AGAP1: variants seen among roughly 807,000 people sequenced by gnomAD.
AGAP1 encodes the protein ArfGAP with GTPase domain, ankyrin repeat and PH domain 1.
Under a neutral mutation model 105.3 loss-of-function variants are expected in AGAP1, and 29 were observed. The ratio of observed to expected loss-of-function variants is 0.28; its 90% CI spans 0.21 to 0.38. The LOEUF (loss-of-function observed/expected upper bound fraction) is 0.38. AGAP1 is among the 10% of genes least tolerant of loss of function. The pLI is 1.00. For synonymous variants in AGAP1, 509 were observed against 485.9 expected (o/e 1.05, Z -0.63); for missense variants, 998 against 1,165.1 (o/e 0.86, Z 2.09).
intron 9 of AGAP1, among the ~76,000 whole-genome samples, chr2:235,841,830 C>G (rs1330981086): frequency 6.6e-6 from 1 of 152,116 alleles, no homozygotes; most frequent in South Asian, 2.1e-4. Context: ...AGTTATATTC[C>G]TGCCTATAGG....
Position 235,557,043 on chromosome 2 carries a change from C to A in AGAP1, c.163+62194C>A. 6.6e-6 allele frequency among the ~76,000 whole-genome samples: 1 copy of A among 152,194 alleles called. No individual in the cohort carries two copies. Among genetic ancestry groups the A allele is most frequent in the Non-Finnish European group, 1.5e-5 (1 of 68,044 alleles). The stretch of plus-strand genomic sequence containing the variant: ...GGGCGGATCCCGAAGGCAGACTTGG[C>A]CTTCCCAGCTGGCGCGGGACTGGGG... On this transcript the variant is annotated intron_variant, in intron 1 of 17. Transcript: ENST00000304032. This position sits in a 1 kb window ranked among gnomAD's most constrained non-coding sequence, Gnocchi z 4.7.
At chr2:235,519,547 C>T (rs977321666) in intron 1 of AGAP1, among the ~76,000 whole-genome samples, 1 of 152,022 alleles carries the variant, frequency 6.6e-6, no homozygotes, top group Non-Finnish European at 1.5e-5. Context: ...ACTGATATAA[C>T]ACATATTTTC....
intron 1 of AGAP1, among the ~76,000 whole-genome samples, chr2:235,682,573 G>C (rs1949137532): frequency 6.6e-6 from 1 of 151,736 alleles, no homozygotes; most frequent in Non-Finnish European, 1.5e-5. Flanking sequence ...TTGAACTGCT[G>C]ACCTCAAATG....
In AGAP1 at chr2:235,793,889, C is replaced by T. The variant is rs1313551551; in HGVS notation, c.674-3870C>T. ...TGCTATTTCCCTCTATAGAATAGAA[C>T]ATTTACAGTTTGTGGATAAAGTAAA... is the stretch of plus-strand genomic sequence containing the variant. On this transcript the variant is annotated intron_variant, in intron 6 of 17. Coordinates refer to ENST00000304032, the MANE Select transcript of AGAP1 (RefSeq NM_001037131.3). The surrounding 1 kb of genome is among the most constrained non-coding windows in gnomAD (Gnocchi z 5.3). Among the ~76,000 whole-genome samples, 1 of 152,110 alleles carries T rather than the reference C, an allele frequency of 6.6e-6. No homozygotes were observed. Among genetic ancestry groups the T allele is most frequent in the Non-Finnish European group, 1.5e-5 (1 of 68,022 alleles).
At chr2:236,067,895 A>G (rs1184568850) in intron 16 of AGAP1, among the ~76,000 whole-genome samples, 1 of 152,226 alleles carries the variant, frequency 6.6e-6, no homozygotes, top group Non-Finnish European at 1.5e-5. Context: ...TGTCAGGGTC[A>G]GCCATCCGTC....
At chr2:236,108,615 AAG>A (rs1168783024) in intron 16 of AGAP1, among the ~76,000 whole-genome samples, 1 of 151,990 alleles carries the variant, frequency 6.6e-6, no homozygotes, top group Admixed American at 6.5e-5. Context: ...TTCGCACTGG[AAG>A]AGAGAGGGGG....
At chr2:235,594,837 G>A (rs1945466119) in intron 1 of AGAP1, among the ~76,000 whole-genome samples, 1 of 149,260 alleles carries the variant, frequency 6.7e-6, no homozygotes. Context: ...GCCTCCCAGA[G>A]TGCTGGGATT....
At chr2:235,764,030 T>G (rs10195123) in intron 6 of AGAP1, among the ~76,000 whole-genome samples, 40,156 of 138,806 alleles carry the variant, frequency 0.29, 5,828 homozygotes, top group Admixed American at 0.41. Flanking sequence ...GTGCGTGGCT[T>G]TGGCCCGTGC....
At position 236,120,346 on chromosome 2, in the gene AGAP1, C is replaced by T. The variant is rs988946656; in HGVS notation, c.2269C>T (p.Arg757Trp). The T allele has an allele frequency of 3.7e-6, 6 of 1,612,048 alleles. No homozygotes were observed. Among genetic ancestry groups the T allele is most frequent in the East Asian group, 2.2e-5 (1 of 44,854 alleles). ...TAILLLAHGS[R>W]DEVNETCGEG... ...CATCCTGCTGCTGGCACACGGCTCC[C>T]GGGACGAGGTGAACGAGACCTGCGG... Residue 757 changes from arginine to tryptophan, a missense_variant, in exon 17 of 18, where the codon CGG becomes TGG. By Grantham distance (101) the Arg-to-Trp change is moderately radical. Transcript: ENST00000304032. This position sits in a 1 kb window ranked among gnomAD's most constrained non-coding sequence, Gnocchi z 6.0.
chr2:236,119,544 C>T lies in AGAP1; in HGVS notation c.2115-648C>T, dbSNP rs10178596. On this transcript the variant is annotated intron_variant, in intron 16 of 17. Coordinates refer to ENST00000304032, the MANE Select transcript of AGAP1 (RefSeq NM_001037131.3). The surrounding 1 kb of genome is among the most constrained non-coding windows in gnomAD (Gnocchi z 6.6). ...TGAAGCTAAAAGCACATGGTCACCCCCAGGTGTGGGGAGCGCACCGGCTGT... is the reference window on the plus strand; with the variant it reads ...TGAAGCTAAAAGCACATGGTCACCCTCAGGTGTGGGGAGCGCACCGGCTGT... Among the ~76,000 whole-genome samples, 1,403 of 152,224 alleles carry T rather than the reference C, an allele frequency of 9.2e-3. 22 individuals are homozygous for T. Among genetic ancestry groups the T allele is most frequent in the African/African-American group, 0.032 (1,328 of 41,516 alleles).
intron 1 of AGAP1, among the ~76,000 whole-genome samples, chr2:235,704,560 C>T (rs1488507146): frequency 6.6e-6 from 1 of 152,208 alleles, no homozygotes; most frequent in Non-Finnish European, 1.5e-5. Context: ...GCAGGAGAAT[C>T]TCTTGAACTC....
At chr2:235,649,223 C>T (rs1261181362) in intron 1 of AGAP1, among the ~76,000 whole-genome samples, 1 of 152,072 alleles carries the variant, frequency 6.6e-6, no homozygotes, top group Non-Finnish European at 1.5e-5. Flanking sequence ...GTGGGAACAT[C>T]AGTCTTTCCT....
At chr2:235,583,626 C>T (rs1446516224) in intron 1 of AGAP1, among the ~76,000 whole-genome samples, 2 of 149,968 alleles carry the variant, frequency 1.3e-5, no homozygotes, top group South Asian at 4.3e-4. Flanking sequence ...CCTGTAATCC[C>T]AGCACTTTGG....
chr2:235,884,628 G>A (rs2050185904), intron 10 of AGAP1, among the ~76,000 whole-genome samples: 1 of 151,432 alleles, frequency 6.6e-6, no homozygotes, highest in Non-Finnish European at 1.5e-5. Context: ...ATTTTTTTGT[G>A]TTTTTAGTAG....
At position 235,599,249 on chromosome 2, in the gene AGAP1, G is replaced by C. The variant is rs567357153; in HGVS notation, c.163+104400G>C. 6.6e-6 allele frequency among the ~76,000 whole-genome samples: 1 copy of C among 152,108 alleles called. No homozygotes were observed. The highest frequency in any genetic ancestry group is 1.5e-5 in the Non-Finnish European group (1 of 68,038). On this transcript the variant is annotated intron_variant, in intron 1 of 17. Transcript: ENST00000304032. The surrounding 1 kb of genome is among the most constrained non-coding windows in gnomAD (Gnocchi z 5.3). Reference sequence around the variant, plus strand: ...GAGAACCCACACAGCTGTTCATTTCGGTGGCCGAGGGCCTGTGGGCTGCAG... The same window carrying C: ...GAGAACCCACACAGCTGTTCATTTCCGTGGCCGAGGGCCTGTGGGCTGCAG...
chr2:235,682,797 C>T (rs369407396), intron 1 of AGAP1, among the ~76,000 whole-genome samples: 4 of 149,572 alleles, frequency 2.7e-5, no homozygotes, highest in Admixed American at 1.3e-4. Context: ...TGTGTGCACA[C>T]GTGTGTGTGT....
At chr2:235,892,363 T>C (rs2050585217) in intron 10 of AGAP1, among the ~76,000 whole-genome samples, 1 of 152,182 alleles carries the variant, frequency 6.6e-6, no homozygotes, top group Non-Finnish European at 1.5e-5. Context: ...CTGCAACACA[T>C]AAACCCTTTG....
At chr2:235,745,326 A>C (rs775643312) in intron 5 of AGAP1, among the ~76,000 whole-genome samples, 1 of 152,120 alleles carries the variant, frequency 6.6e-6, no homozygotes, top group Non-Finnish European at 1.5e-5. Flanking sequence ...TCTGTATCTT[A>C]TTTTTAATCT....
At chr2:235,945,538 A>G (rs9808123) in intron 12 of AGAP1, among the ~76,000 whole-genome samples, 92,244 of 152,006 alleles carry the variant, frequency 0.61, 28,905 homozygotes, top group African/African-American at 0.77. Context: ...TGGGTTAACT[A>G]CCATTTCTCT....
Sources: allele counts gnomAD v4.1 joint callset (sites outside exome capture counted in the v4.1 genomes callset), GRCh38; gene constraint gnomAD v4.1.1; non-coding constraint Gnocchi (gnomAD v3.1); transcripts MANE v1.5; gene names NCBI Gene and HGNC (gene_info 2026-07-23, HGNC 2026-07-21).